CSNK2A1: variants seen among roughly 807,000 people sequenced by gnomAD.
CSNK2A1 encodes casein kinase 2 alpha 1.
Under a neutral mutation model 62.9 loss-of-function variants are expected in CSNK2A1, and 10 were observed. The ratio of observed to expected loss-of-function variants is 0.16; its 90% confidence interval spans 0.10 to 0.27. The LOEUF is 0.27. Ranked by LOEUF, CSNK2A1 falls within the 10% of genes least tolerant of loss-of-function variation. The pLI is 1.00. For synonymous variants in CSNK2A1, 124 were observed against 167.8 expected (o/e 0.74, Z 2.02); for missense variants, 160 against 492.0 (o/e 0.33, Z 6.38).
At chr20:523,527 GAATGA>G (rs2122615114) in intron 2 of CSNK2A1, among the ~76,000 whole-genome samples, 1 of 152,300 alleles carries the variant, frequency 6.6e-6, no homozygotes, top group East Asian at 1.9e-4. Context: ...GCAGTATGCT[GAATGA>G]AATAAGCCAG....
rs556794030 is a variant in CSNK2A1, at chr20:480,908, C to G, written c.*3053G>C. 1 of 152,208 alleles carries G rather than the reference C, an allele frequency of 6.6e-6. No individual in the cohort carries two copies. Among genetic ancestry groups the G allele is most frequent in the Non-Finnish European group, 1.5e-5 (1 of 68,044 alleles). The allele number at this position is 152,208 out of a possible 1,614,324, so 9.4% of individuals were successfully genotyped here. A position where few individuals can be genotyped will look rare whatever the true frequency, so the allele number is the denominator to read the frequency against. ...TCTAATTTTCTCTGCTACTTTAGGACTATAGTAATTAGCCATACCCTGAGG... is the reference window on the plus strand; with the variant it reads ...TCTAATTTTCTCTGCTACTTTAGGAGTATAGTAATTAGCCATACCCTGAGG... On this transcript the variant is annotated 3_prime_UTR_variant, in exon 14 of 14. Coordinates refer to ENST00000217244, the MANE Select transcript of CSNK2A1 (RefSeq NM_177559.3).
At position 499,564 on chromosome 20, in the gene CSNK2A1, G is replaced by A; in HGVS notation, c.316-259C>T. 1 of 550,562 alleles carries A rather than the reference G, an allele frequency of 1.8e-6. No homozygotes were observed. The highest frequency in any genetic ancestry group is 3.2e-6 in the Non-Finnish European group (1 of 315,004). The allele number at this position is 550,562 out of a possible 1,614,324, so 34.1% of individuals were successfully genotyped here. ...CCCGACAATGCGCCCATCGCCCATC[G>A]GCATCGGACCTGAGTTTGCAAAATG... On this transcript the variant is annotated intron_variant, in intron 5 of 13. Coordinates refer to ENST00000217244, the MANE Select transcript of CSNK2A1 (RefSeq NM_177559.3). This position sits in a 1 kb window ranked among gnomAD's most constrained non-coding sequence, Gnocchi z 4.2.
At chr20:520,986 A>G (rs1483403691) in intron 2 of CSNK2A1, among the ~76,000 whole-genome samples, 1 of 152,154 alleles carries the variant, frequency 6.6e-6, no homozygotes, top group Non-Finnish European at 1.5e-5. Context: ...GGGGGGGAAA[A>G]AAAAAGATAT....
intron 2 of CSNK2A1, among the ~76,000 whole-genome samples, chr20:512,546 G>T (rs1335087426): frequency 6.6e-6 from 1 of 152,108 alleles, no homozygotes; most frequent in Non-Finnish European, 1.5e-5. Context: ...GCAGCTAAAG[G>T]CTTTCAGAAG....
At chr20:523,665 A>G (rs1414680485) in intron 2 of CSNK2A1, among the ~76,000 whole-genome samples, 1 of 151,118 alleles carries the variant, frequency 6.6e-6, no homozygotes, top group East Asian at 2.0e-4. Context: ...GCCGAAGCGG[A>G]TGGATCACAA....
At chr20:489,532 G>C (rs925280296) in intron 10 of CSNK2A1, 6 of 423,552 alleles carry the variant, frequency 1.4e-5, no homozygotes, top group Non-Finnish European at 1.3e-5. Context: ...AGAATTCTAA[G>C]GTAATGTCCT....
chr20:526,359 C>T (rs2019090060), intron 2 of CSNK2A1, among the ~76,000 whole-genome samples: 1 of 151,944 alleles, frequency 6.6e-6, no homozygotes, highest in South Asian at 2.1e-4. Flanking sequence ...GACTGTAATC[C>T]CAATACTTAG....
intron 1 of CSNK2A1, among the ~76,000 whole-genome samples, chr20:533,582 G>A (rs1212439214): frequency 2.0e-5 from 3 of 152,200 alleles, no homozygotes; most frequent in Admixed American, 6.5e-5. Flanking sequence ...CAGCCTGGGT[G>A]ACAGAGCGAG....
chr20:540,800 T>C (rs2019434517), intron 1 of CSNK2A1: 2 of 152,230 alleles, frequency 1.3e-5, no homozygotes, highest in African/African-American at 4.8e-5. Context: ...ATGTAGTAGC[T>C]AAAAATAACA....
intron 2 of CSNK2A1, among the ~76,000 whole-genome samples, chr20:519,117 G>A (rs1157113941): frequency 6.6e-6 from 1 of 151,788 alleles, no homozygotes; most frequent in African/African-American, 2.4e-5. Context: ...TGTATTTTTA[G>A]TAGTGAGGGG....
Position 482,361 on chromosome 20 carries a change from G to A in CSNK2A1, c.*1600C>T, listed in dbSNP as rs1354303755. The A allele has an allele frequency of 6.6e-6, 1 of 152,172 alleles. No homozygotes were observed. The highest frequency in any genetic ancestry group is 2.4e-5 in the African/African-American group (1 of 41,430). The allele number at this position is 152,172 out of a possible 1,614,324, so 9.4% of individuals were successfully genotyped here. ...ACTAGGCTTCCTCAGTGAAGCACCT[G>A]ATAAACTTAGGTGGTTGGATTACAG... On this transcript the variant is annotated 3_prime_UTR_variant, in exon 14 of 14. Transcript: ENST00000217244.
chr20:486,483 C>A (rs752476982), intron 12 of CSNK2A1, 21 bp from the exon 13 acceptor site: 3 of 1,612,564 alleles, frequency 1.9e-6, no homozygotes, highest in Admixed American at 1.7e-5. Context: ...GACAAAAAGG[C>A]TAGGTTCTGT....
rs2094914799 is a variant in CSNK2A1 at position 499,809 on chromosome 20, C to T, written c.315+24G>A. The T allele has an allele frequency of 6.2e-7, 1 of 1,610,694 alleles. No homozygotes were observed. Among genetic ancestry groups the T allele is most frequent in the Non-Finnish European group, 8.5e-7 (1 of 1,178,308 alleles). On this transcript the variant is annotated intron_variant, in intron 5 of 13. Transcript: ENST00000217244. The surrounding 1 kb of genome is among the most constrained non-coding windows in gnomAD (Gnocchi z 4.2). ...AAACACCATCTCAGCTCTGGCGGGCCTTGCTAACACCTACTATACTCACCA... is the reference window on the plus strand; with the variant it reads ...AAACACCATCTCAGCTCTGGCGGGCTTTGCTAACACCTACTATACTCACCA...
intron 6 of CSNK2A1, 27 bp from the exon 7 acceptor site, chr20:497,807 G>A (rs773851591): frequency 6.2e-7 from 1 of 1,601,940 alleles, no homozygotes; most frequent in Admixed American, 1.7e-5. Flanking sequence ...TTTGAGCCAT[G>A]AAATAATGCT....
chr20:493,721 T>C (rs1568509779), intron 8 of CSNK2A1, among the ~76,000 whole-genome samples: 1 of 152,164 alleles, frequency 6.6e-6, no homozygotes, highest in African/African-American at 2.4e-5. Context: ...GTTGATATAA[T>C]CTCCTCAACA....
chr20:524,722 A>G lies in CSNK2A1; in HGVS notation c.-110+3211T>C, dbSNP rs2019039230. Among the ~76,000 whole-genome samples the G allele has an allele frequency of 2.6e-5, 4 of 151,574 alleles. No individual in the cohort carries two copies. The South Asian group carries it at 8.3e-4, about 32-fold the overall frequency. ...AGACTCCATCTCAAAAAAAAAAAAA[A>G]AAAAAAAAGAGATACATCTAAAACA... On this transcript the variant is annotated intron_variant, in intron 2 of 13. Transcript: ENST00000217244.
At chr20:523,145 A>C (rs560457993) in intron 2 of CSNK2A1, among the ~76,000 whole-genome samples, 11 of 152,370 alleles carry the variant, frequency 7.2e-5, no homozygotes, top group African/African-American at 2.6e-4. Flanking sequence ...AAAGAGGATG[A>C]GATGCTAGAG....
chr20:523,858 CAAAAAAAAA>C (rs11401840), intron 2 of CSNK2A1, among the ~76,000 whole-genome samples: 4 of 45,546 alleles, frequency 8.8e-5, no homozygotes, highest in African/African-American at 1.8e-4. Context: ...GACTCCATCT[CAAAAAAAAA>C]AAAAAAAAAA....
chr20:489,054 T>C (rs983088811), intron 10 of CSNK2A1: 16 of 325,826 alleles, frequency 4.9e-5, no homozygotes, highest in African/African-American at 2.6e-4. Flanking sequence ...GAAGCTCCCA[T>C]TGCACACTCA....
Sources: allele counts gnomAD v4.1 joint callset (sites outside exome capture counted in the v4.1 genomes callset), GRCh38; gene constraint gnomAD v4.1.1; non-coding constraint Gnocchi (gnomAD v3.1); transcripts MANE v1.5; gene names NCBI Gene and HGNC (gene_info 2026-07-23, HGNC 2026-07-21).